The following AMPH variants were observed in gnomAD, a reference collection of about 807,000 sequenced individuals.
The protein encoded by AMPH is amphiphysin.
In AMPH, 49 loss-of-function variants were observed where a neutral mutation model predicts 99.1. That is an observed-to-expected ratio of 0.49 (90% CI 0.39 to 0.63). AMPH has a LOEUF of 0.63. Ranked by LOEUF, AMPH falls within the 20% of genes least tolerant of loss-of-function variation. The probability of loss-of-function intolerance (pLI) is 0.00; values close to 1 mark genes in which losing one functional copy is unlikely to be tolerated. For missense variants in AMPH, 759 were observed against 863.4 expected (o/e 0.88, Z 1.52); for synonymous variants, 314 against 317.3 (o/e 0.99, Z 0.11).
chr7:38,476,719 A>G lies in AMPH; in HGVS notation c.504+143T>C, dbSNP rs370011609. 8.1e-5 allele frequency: 48 copies of G among 589,400 alleles called. 2 individuals carry two copies. Among genetic ancestry groups the G allele is most frequent in the African/African-American group, 7.4e-4 (40 of 53,936 alleles). The allele number at this position is 589,400 out of a possible 1,614,324, so 36.5% of individuals were successfully genotyped here. ...ATGAAAAGCCTTATTTTAATTAAAA[A>G]TAATAAAAAGCACTATGTTTCAGTT... On this transcript the variant is annotated intron_variant, in intron 6 of 20. Transcript: ENST00000356264.
intron 3 of AMPH, among the ~76,000 whole-genome samples, chr7:38,502,548 C>G (rs116126308): frequency 3.5e-4 from 53 of 152,210 alleles, no homozygotes; most frequent in African/African-American, 1.2e-3. Flanking sequence ...TTGGGTTAAA[C>G]GAAGGTTGCC....
At chr7:38,420,860 T>A (rs1785557885) in intron 16 of AMPH, 1 of 433,384 alleles carries the variant, frequency 2.3e-6, no homozygotes, top group African/African-American at 2.0e-5. Flanking sequence ...CCTGCGGGGC[T>A]GTATGATGCA....
intron 1 of AMPH, among the ~76,000 whole-genome samples, chr7:38,617,593 G>A (rs1468450960): frequency 2.6e-5 from 4 of 152,164 alleles, no homozygotes; most frequent in Non-Finnish European, 5.9e-5. Context: ...AATAAACCAT[G>A]CTGGGTGCCC....
In AMPH at chr7:38,494,398, C is replaced by A. The variant is rs1373601371; in HGVS notation, c.300+35G>T. The A allele has an allele frequency of 3.2e-6, 5 of 1,566,026 alleles. No individual in the cohort carries two copies. The East Asian group carries it at 1.1e-4, about 35-fold the overall frequency. ...GGGGACAGGTGGACTGAGCAAGGGT[C>A]GTGGGAGCCTCATGGAAGCCACCCC... On this transcript the variant is annotated intron_variant, in intron 4 of 20. Transcript: ENST00000356264.
At chr7:38,501,218 TCTCA>T (rs994021782) in intron 3 of AMPH, among the ~76,000 whole-genome samples, 15 of 152,108 alleles carry the variant, frequency 9.9e-5, no homozygotes, top group African/African-American at 3.6e-4. Flanking sequence ...TTGAACAGGG[TCTCA>T]CTCTTTCACC....
At chr7:38,427,825 C>A (rs1007116069) in intron 14 of AMPH, 3 of 451,036 alleles carry the variant, frequency 6.7e-6, no homozygotes, top group Admixed American at 2.4e-5. Context: ...ATGCTACAGA[C>A]CAGGGTAAGT....
intron 1 of AMPH, among the ~76,000 whole-genome samples, chr7:38,560,335 C>T (rs551747236): frequency 1.6e-3 from 240 of 152,262 alleles, no homozygotes; most frequent in Middle Eastern, 6.8e-3. Context: ...CAGCCAATAG[C>T]GAATCAACCA....
chr7:38,499,782 T>TCCA (rs1789065846), intron 3 of AMPH, among the ~76,000 whole-genome samples: 1 of 152,218 alleles, frequency 6.6e-6, no homozygotes, highest in East Asian at 1.9e-4. Flanking sequence ...CCATGTGTTG[T>TCCA]GGGAGGGACC....
intron 1 of AMPH, among the ~76,000 whole-genome samples, chr7:38,629,312 T>A (rs1229083927): frequency 6.6e-6 from 1 of 152,170 alleles, no homozygotes; most frequent in Non-Finnish European, 1.5e-5. Flanking sequence ...GCCTATACTC[T>A]CAGCCTCTTA....
chr7:38,532,740 G>GA (rs34900203), intron 2 of AMPH, among the ~76,000 whole-genome samples: 27,484 of 132,318 alleles, frequency 0.21, 3,070 homozygotes, highest in East Asian at 0.45. Context: ...AGAAAGCTGG[G>GA]AAAAAAAAAA....
intron 2 of AMPH, among the ~76,000 whole-genome samples, chr7:38,519,378 C>T (rs1042705190): frequency 3.9e-5 from 6 of 152,048 alleles, no homozygotes; most frequent in Admixed American, 1.3e-4. Flanking sequence ...ATTCAGGCAA[C>T]AAAACTCATA....
chr7:38,434,048 T>C (rs1197055217), intron 12 of AMPH, among the ~76,000 whole-genome samples: 1 of 152,146 alleles, frequency 6.6e-6, no homozygotes, highest in East Asian at 1.9e-4. Flanking sequence ...CAGTCAAGAC[T>C]TTTGTTCTTA....
intron 5 of AMPH, among the ~76,000 whole-genome samples, chr7:38,484,888 G>T (rs1297926483): frequency 6.6e-6 from 1 of 151,842 alleles, no homozygotes; most frequent in East Asian, 1.9e-4. Context: ...ATAGGTGATT[G>T]ATGTTAATTT....
chr7:38,612,918 GC>G (rs1373299870), intron 1 of AMPH, among the ~76,000 whole-genome samples: 1 of 152,046 alleles, frequency 6.6e-6, no homozygotes, highest in Admixed American at 6.6e-5. Flanking sequence ...TATAAATATA[GC>G]CCTAATTTGC....
At chr7:38,489,522 G>A (rs1228570590) in intron 5 of AMPH, among the ~76,000 whole-genome samples, 1 of 151,996 alleles carries the variant, frequency 6.6e-6, no homozygotes, top group East Asian at 1.9e-4. Flanking sequence ...AAATAGACAA[G>A]AGGAACTGCA....
At chr7:38,624,391 G>T (rs1244652745) in intron 1 of AMPH, among the ~76,000 whole-genome samples, 5 of 151,816 alleles carry the variant, frequency 3.3e-5, no homozygotes, top group African/African-American at 1.2e-4. Context: ...ATTAGTATTA[G>T]TATTAGTATT....
chr7:38,397,707 T>A (rs1032942943), intron 17 of AMPH, among the ~76,000 whole-genome samples: 1 of 151,954 alleles, frequency 6.6e-6, no homozygotes, highest in African/African-American at 2.4e-5. Flanking sequence ...AAGGGAACAA[T>A]CAACAAAGAC....
intron 18 of AMPH, among the ~76,000 whole-genome samples, chr7:38,392,370 C>A (rs1163532906): frequency 1.5e-5 from 2 of 129,122 alleles, no homozygotes; most frequent in Admixed American, 8.2e-5. Flanking sequence ...TGCAGGCCGG[C>A]CTGGTTCTTT....
intron 11 of AMPH, among the ~76,000 whole-genome samples, chr7:38,456,023 G>A (rs79934037): frequency 0.015 from 2,330 of 152,300 alleles, 61 homozygotes; most frequent in African/African-American, 0.053. Context: ...CACCACCTTA[G>A]AGGGGCCCCC....
Sources: gnomAD v4.1 joint callset for allele counts (sites outside exome capture counted in the v4.1 genomes callset) on GRCh38, gnomAD v4.1.1 for gene constraint, MANE v1.5 for transcripts, NCBI Gene and HGNC (gene_info 2026-07-23, HGNC 2026-07-21) for gene names.